The following MCOLN2 variants were observed in gnomAD, a reference collection of about 807,000 sequenced individuals.
MCOLN2 encodes mucolipin TRP cation channel 2, also known as mucolipin-2.
A neutral mutation model predicts 67.5 loss-of-function variants in MCOLN2; 57 were observed. The observed-to-expected ratio is 0.84, with a 90% confidence interval of 0.68 to 1.05. MCOLN2 has a LOEUF of 1.05. Ranked by LOEUF, MCOLN2 falls within the 50% of genes least tolerant of loss-of-function variation. The pLI is 0.00. For missense variants in MCOLN2, 620 were observed against 678.8 expected (o/e 0.91, Z 0.96); for synonymous variants, 246 against 233.3 (o/e 1.05, Z -0.50).
At chr1:84,950,020 A>G (rs1259469130) in intron 6 of MCOLN2, among the ~76,000 whole-genome samples, 2 of 152,218 alleles carry the variant, frequency 1.3e-5, no homozygotes, top group African/African-American at 4.8e-5. Context: ...GTTTATAATC[A>G]AATTCAGAAT....
At chr1:84,936,769 G>C (rs1358716624) in intron 11 of MCOLN2, among the ~76,000 whole-genome samples, 1 of 152,210 alleles carries the variant, frequency 6.6e-6, no homozygotes, top group African/African-American at 2.4e-5. Context: ...ATGTATAACA[G>C]TTTGTAAACC....
Position 84,952,263 on chromosome 1 carries a change from A to C in MCOLN2, c.727T>G (p.Cys243Gly), listed in dbSNP as rs1412445554. The C allele has an allele frequency of 6.2e-7, 1 of 1,611,710 alleles. No individual in the cohort carries two copies. Among genetic ancestry groups the C allele is most frequent in the Non-Finnish European group, 8.5e-7 (1 of 1,178,782 alleles). ...CTTGCCGTATTCTGAAAGACATAAC[A>C]GTCTGGTAACTCACGGGAATGAATT... is the stretch of plus-strand genomic sequence containing the variant. ...QTIHSRELPD[C>G]YVFQNTIIFD... Residue 243 changes from cysteine to glycine, a missense_variant, in exon 6 of 14, where the codon TGT becomes GGT. Coordinates refer to ENST00000370608, the MANE Select transcript of MCOLN2 (RefSeq NM_153259.4).
chr1:84,985,756 AG>A (rs1650475922), intron 1 of MCOLN2, among the ~76,000 whole-genome samples: 1 of 152,218 alleles, frequency 6.6e-6, no homozygotes, highest in South Asian at 2.1e-4. Flanking sequence ...GACCTCTACA[AG>A]GAAACCTACC....
At chr1:84,958,405 T>C (rs1433251782) in intron 3 of MCOLN2, 124 bp downstream of exon 3, 4 of 688,856 alleles carry the variant, frequency 5.8e-6, no homozygotes, top group Non-Finnish European at 9.1e-6. Context: ...TAAACATTTT[T>C]TGGCAGACTG....
intron 1 of MCOLN2, among the ~76,000 whole-genome samples, chr1:84,977,889 G>A (rs1650073152): frequency 6.6e-6 from 1 of 152,058 alleles, no homozygotes; most frequent in Non-Finnish European, 1.5e-5. Context: ...AGACTGCATG[G>A]ATCTAATACA....
intron 1 of MCOLN2, among the ~76,000 whole-genome samples, chr1:84,978,994 A>C (rs1043444535): frequency 6.6e-6 from 1 of 152,144 alleles, no homozygotes; most frequent in Non-Finnish European, 1.5e-5. Flanking sequence ...TGGGAGAAAG[A>C]CATAGGGTGG....
intron 1 of MCOLN2, among the ~76,000 whole-genome samples, chr1:84,967,516 G>A (rs779147380): frequency 7.9e-5 from 12 of 152,086 alleles, no homozygotes; most frequent in Admixed American, 1.3e-4. Flanking sequence ...CTTGACTGAC[G>A]AATCTAAAAG....
At chr1:84,992,571 TG>T (rs1372703697) in intron 1 of MCOLN2, among the ~76,000 whole-genome samples, 5 of 152,206 alleles carry the variant, frequency 3.3e-5, no homozygotes, top group African/African-American at 1.2e-4. Context: ...TTTGATAAGA[TG>T]AAGTCTGGAA....
chr1:84,975,183 T>C (rs976398086), intron 1 of MCOLN2, among the ~76,000 whole-genome samples: 2 of 152,124 alleles, frequency 1.3e-5, no homozygotes, highest in Non-Finnish European at 1.5e-5. Flanking sequence ...CCCAGAGCCA[T>C]AAGCAGACAC....
chr1:84,975,869 G>A (rs1054588088), intron 1 of MCOLN2, among the ~76,000 whole-genome samples: 2 of 152,010 alleles, frequency 1.3e-5, no homozygotes, highest in African/African-American at 4.8e-5. Flanking sequence ...TTCTGGAGCT[G>A]AAAAATGCAA....
chr1:84,953,749 T>G (rs2102838635), intron 4 of MCOLN2, among the ~76,000 whole-genome samples: 1 of 152,230 alleles, frequency 6.6e-6, no homozygotes, highest in South Asian at 2.1e-4. Flanking sequence ...TCCAAGAACC[T>G]CACATAAAAA....
intron 3 of MCOLN2, among the ~76,000 whole-genome samples, chr1:84,958,259 C>T (rs762405114): frequency 6.6e-6 from 1 of 152,174 alleles, no homozygotes; most frequent in Non-Finnish European, 1.5e-5. Flanking sequence ...GATTAAAAAT[C>T]TACTCTTGCT....
At chr1:84,987,489 C>CATATATACATATATACATATATACAT (rs1420848202) in intron 1 of MCOLN2, among the ~76,000 whole-genome samples, 1 of 11,536 alleles carries the variant, frequency 8.7e-5, no homozygotes, top group African/African-American at 1.5e-4. Context: ...TACATATATA[C>CATATATACATATATACATATATACAT]ATATGTATAC....
At chr1:84,970,153 C>T (rs1250210172) in intron 1 of MCOLN2, among the ~76,000 whole-genome samples, 1 of 152,104 alleles carries the variant, frequency 6.6e-6, no homozygotes, top group Non-Finnish European at 1.5e-5. Flanking sequence ...AGCATCCCTC[C>T]TGATGACTCA....
At chr1:84,953,592 T>A (rs72718785) in intron 4 of MCOLN2, among the ~76,000 whole-genome samples, 8,983 of 150,978 alleles carry the variant, frequency 0.059, 370 homozygotes, top group Admixed American at 0.11. Flanking sequence ...GAAATCTGGA[T>A]GAAGGCTATA....
rs141704454 is a variant in MCOLN2 at position 84,926,650 on chromosome 1, A to C, written c.*35T>G. 2.2e-4 allele frequency: 333 copies of C among 1,526,404 alleles called. 1 individual carries two copies. In the African/African-American group the frequency reaches 4.4e-3, roughly 20 times the overall value. The allele number at this position is 1,526,404 out of a possible 1,614,324, so 94.6% of individuals were successfully genotyped here. On this transcript the variant is annotated 3_prime_UTR_variant, in exon 14 of 14. Transcript: ENST00000370608. ...GGTTCCTCTGCTCAGCCGCTGGATA[A>C]GGATGCCTGAACTTTAATCATCTTT... is the stretch of plus-strand genomic sequence containing the variant.
rs997604941 is a variant in MCOLN2 at position 84,975,685 on chromosome 1, T to C, written c.78-9977A>G. Reference sequence around the variant, plus strand: ...AACATGGCCTCATCAAATGAATTAATAAGGCACTAGGGACCCAATCTTGGA... The same window carrying C: ...AACATGGCCTCATCAAATGAATTAACAAGGCACTAGGGACCCAATCTTGGA... On this transcript the variant is annotated intron_variant, in intron 1 of 13. Transcript: ENST00000370608. 2.6e-5 allele frequency among the ~76,000 whole-genome samples: 4 copies of C among 152,110 alleles called. No individual in the cohort carries two copies. The South Asian group carries it at 6.2e-4, about 24-fold the overall frequency.
chr1:84,954,178 A>T (rs1268682550), intron 4 of MCOLN2, among the ~76,000 whole-genome samples: 1 of 152,230 alleles, frequency 6.6e-6, no homozygotes, highest in Non-Finnish European at 1.5e-5. Flanking sequence ...GGATACACTT[A>T]CGTTTAATGA....
intron 6 of MCOLN2, among the ~76,000 whole-genome samples, chr1:84,948,432 G>C (rs1458448140): frequency 6.6e-6 from 1 of 151,998 alleles, no homozygotes; most frequent in African/African-American, 2.4e-5. Flanking sequence ...CCCATCTACA[G>C]GAAAAAGTCT....
Sources: allele counts gnomAD v4.1 joint callset (sites outside exome capture counted in the v4.1 genomes callset), GRCh38; gene constraint gnomAD v4.1.1; transcripts MANE v1.5; gene names NCBI Gene and HGNC (gene_info 2026-07-23, HGNC 2026-07-21).